Variants in CLSTN2 observed in about 807,000 individuals in gnomAD.
CLSTN2 encodes the protein calsyntenin 2.
Under a neutral mutation model 101.2 loss-of-function variants are expected in CLSTN2, and 48 were observed. The observed-to-expected ratio is 0.47, with a 90% CI of 0.38 to 0.60. The LOEUF (loss-of-function observed/expected upper bound fraction) is 0.60, where lower values mean the gene tolerates loss of function less well. Ranked by LOEUF, CLSTN2 falls within the 20% of genes least tolerant of loss-of-function variation. The pLI is 0.00. For synonymous variants in CLSTN2, 481 were observed against 463.6 expected, an observed-to-expected ratio of 1.04 and a Z score of -0.48; for missense variants, 1,160 against 1,238.2, an observed-to-expected ratio of 0.94 and a Z score of 0.95.
intron 2 of CLSTN2, among the ~76,000 whole-genome samples, chr3:140,222,638 A>G (rs1476164870): frequency 1.3e-5 from 2 of 152,164 alleles, no homozygotes; most frequent in East Asian, 3.8e-4. Context: ...AAAACTTTTT[A>G]AAAGAATGAA....
chr3:140,327,731 T>G (rs936124002), intron 2 of CLSTN2, among the ~76,000 whole-genome samples: 7 of 152,144 alleles, frequency 4.6e-5, no homozygotes, highest in African/African-American at 1.7e-4. Context: ...CCTCTTAGTG[T>G]TTTTGTGGGG....
At chr3:140,165,409 G>A (rs572882680) in intron 1 of CLSTN2, among the ~76,000 whole-genome samples, 11 of 152,200 alleles carry the variant, frequency 7.2e-5, no homozygotes, top group Admixed American at 1.3e-4. Context: ...TGTAGACATC[G>A]TCATGATTAG....
intron 1 of CLSTN2, among the ~76,000 whole-genome samples, chr3:139,948,434 C>T (rs556748501): frequency 5.3e-5 from 8 of 151,362 alleles, no homozygotes; most frequent in East Asian, 2.0e-4. Flanking sequence ...CATTGCACTC[C>T]GGCTTGGGTG....
intron 4 of CLSTN2, among the ~76,000 whole-genome samples, chr3:140,409,221 C>T (rs2088337009): frequency 6.6e-6 from 1 of 152,210 alleles, no homozygotes; most frequent in Admixed American, 6.5e-5. Flanking sequence ...TGGCTCTGCC[C>T]CAGCCCTAAC....
chr3:140,390,245 G>A (rs1169533914), intron 2 of CLSTN2, among the ~76,000 whole-genome samples: 6 of 151,962 alleles, frequency 3.9e-5, no homozygotes, highest in African/African-American at 1.2e-4. Flanking sequence ...TGCTTTTAAA[G>A]CTATGAATTT....
At chr3:140,090,925 G>A (rs1327291228) in intron 1 of CLSTN2, among the ~76,000 whole-genome samples, 1 of 152,114 alleles carries the variant, frequency 6.6e-6, no homozygotes, top group Non-Finnish European at 1.5e-5. Flanking sequence ...TTTGGAACTG[G>A]GAATCTGATC....
chr3:140,411,661 A>T (rs1245452770), intron 4 of CLSTN2, among the ~76,000 whole-genome samples: 1 of 152,244 alleles, frequency 6.6e-6, no homozygotes, highest in African/African-American at 2.4e-5. Context: ...ATATTAGGTC[A>T]TTGTTTTCAA....
intron 8 of CLSTN2, among the ~76,000 whole-genome samples, chr3:140,514,101 T>C (rs981208200): frequency 4.6e-5 from 7 of 152,100 alleles, no homozygotes; most frequent in Non-Finnish European, 1.0e-4. Flanking sequence ...TCAGTTTCAC[T>C]CTGATCTTGG....
chr3:140,217,920 C>T (rs2010940143), intron 2 of CLSTN2, among the ~76,000 whole-genome samples: 1 of 152,182 alleles, frequency 6.6e-6, no homozygotes, highest in Non-Finnish European at 1.5e-5. Flanking sequence ...CTCAGAAGCA[C>T]ATTAGCAATT....
chr3:140,477,403 C>G (rs1010806157), intron 8 of CLSTN2, among the ~76,000 whole-genome samples: 2 of 152,084 alleles, frequency 1.3e-5, no homozygotes, highest in African/African-American at 4.8e-5. Flanking sequence ...AGTCCAAAGA[C>G]AAACAAGCCT....
intron 2 of CLSTN2, among the ~76,000 whole-genome samples, chr3:140,300,917 A>G (rs2087052830): frequency 6.6e-6 from 1 of 152,136 alleles, no homozygotes; most frequent in Admixed American, 6.5e-5. Flanking sequence ...CAAGAAAGCC[A>G]GGGTATAATT....
intron 2 of CLSTN2, among the ~76,000 whole-genome samples, chr3:140,349,868 T>A (rs1422795101): frequency 6.6e-6 from 1 of 152,198 alleles, no homozygotes; most frequent in Non-Finnish European, 1.5e-5. Context: ...CACTCTGTCC[T>A]GATGGCAGGC....
rs1462630811 is a variant in CLSTN2 at position 140,020,934 on chromosome 3, C to T, written c.109+85451C>T. Among the ~76,000 whole-genome samples the T allele has an allele frequency of 2.6e-5, 4 of 152,162 alleles. No homozygotes were observed. The South Asian group carries it at 6.2e-4, about 24-fold the overall frequency. On this transcript the variant is annotated intron_variant, in intron 1 of 16. Coordinates refer to ENST00000458420, the MANE Select transcript of CLSTN2 (RefSeq NM_022131.3). ...CTAATTGCCGATGGAAAATGGATGC[C>T]GATCTCTGCTGTGCCGTAAAAATGT...
chr3:140,053,372 G>A (rs1038683794), intron 1 of CLSTN2, among the ~76,000 whole-genome samples: 4 of 152,178 alleles, frequency 2.6e-5, no homozygotes, highest in African/African-American at 4.8e-5. Flanking sequence ...CTGGTTCTCC[G>A]GAGTTACTGG....
At chr3:140,563,297 AG>A in intron 15 of CLSTN2, 94 bp downstream of exon 15, 1 of 1,444,554 alleles carries the variant, frequency 6.9e-7, no homozygotes, top group Non-Finnish European at 9.5e-7. Context: ...TAGCAAACGT[AG>A]GTGCCCAGAA....
intron 2 of CLSTN2, among the ~76,000 whole-genome samples, chr3:140,190,438 C>CAAAAAAAAA (rs35206840): frequency 2.4e-5 from 2 of 82,938 alleles, no homozygotes; most frequent in Non-Finnish European, 2.5e-5. Flanking sequence ...TCTATAGCTA[C>CAAAAAAAAA]AAAAAAAAAA....
At chr3:140,262,399 T>C (rs2086661048) in intron 2 of CLSTN2, among the ~76,000 whole-genome samples, 1 of 152,160 alleles carries the variant, frequency 6.6e-6, no homozygotes, top group African/African-American at 2.4e-5. Context: ...GGCTTATCCA[T>C]GGGTGCTGTT....
At chr3:140,027,777 T>C (rs983311536) in intron 1 of CLSTN2, among the ~76,000 whole-genome samples, 1 of 152,150 alleles carries the variant, frequency 6.6e-6, no homozygotes, top group Non-Finnish European at 1.5e-5. Flanking sequence ...CCCTGGGCTA[T>C]AAAAATTTTG....
At chr3:140,305,138 C>T (rs2087100558) in intron 2 of CLSTN2, among the ~76,000 whole-genome samples, 1 of 151,590 alleles carries the variant, frequency 6.6e-6, no homozygotes, top group Non-Finnish European at 1.5e-5. Flanking sequence ...CTCTTTAGTA[C>T]TAATCACTGT....
Sources: gnomAD v4.1 joint callset for allele counts (sites outside exome capture counted in the v4.1 genomes callset) on GRCh38, gnomAD v4.1.1 for gene constraint, MANE v1.5 for transcripts, NCBI Gene and HGNC (gene_info 2026-07-23, HGNC 2026-07-21) for gene names.